The following HHAT variants were observed in gnomAD, a reference collection of about 807,000 sequenced individuals.
The protein encoded by HHAT is protein-cysteine N-palmitoyltransferase HHAT.
HHAT carries 47 observed loss-of-function variants against 70.8 expected under a neutral mutation model. That is an observed-to-expected ratio of 0.66 (90% CI 0.53 to 0.85). The LOEUF is 0.85. HHAT is among the 40% of genes least tolerant of loss of function. HHAT has a pLI of 0.00. For synonymous variants in HHAT, 228 were observed against 247.6 expected (o/e 0.92, Z 0.74); for missense variants, 609 against 604.8 (o/e 1.01, Z -0.07).
At chr1:210,494,486 A>T (rs2094599764) in intron 8 of HHAT, among the ~76,000 whole-genome samples, 1 of 147,214 alleles carries the variant, frequency 6.8e-6, no homozygotes. Flanking sequence ...TGAGATAGGG[A>T]AGGCTACCGG....
At chr1:210,500,514 A>G (rs1572869211) in intron 8 of HHAT, among the ~76,000 whole-genome samples, 2 of 152,122 alleles carry the variant, frequency 1.3e-5, no homozygotes, top group East Asian at 3.9e-4. Context: ...GGTGCAGTTT[A>G]CTCTATAAGC....
intron 7 of HHAT, among the ~76,000 whole-genome samples, chr1:210,421,082 A>G (rs572005950): frequency 3.3e-5 from 5 of 152,314 alleles, no homozygotes; most frequent in African/African-American, 1.2e-4. Flanking sequence ...TATAGATTTA[A>G]TACAATCCCT....
At chr1:210,381,031 G>T (rs1161600974) in intron 3 of HHAT, among the ~76,000 whole-genome samples, 2 of 152,092 alleles carry the variant, frequency 1.3e-5, no homozygotes, top group Non-Finnish European at 2.9e-5. Context: ...TTGGTGCTGT[G>T]TAGGGAGCAT....
intron 4 of HHAT, among the ~76,000 whole-genome samples, chr1:210,388,517 G>A (rs12145699): frequency 0.13 from 19,608 of 152,022 alleles, 1,425 homozygotes; most frequent in Non-Finnish European, 0.17. Context: ...AGGAAATCCC[G>A]ACAGCATATT....
chr1:210,606,481 A>AGGTATCTGT (rs1553296809), intron 10 of HHAT, among the ~76,000 whole-genome samples: 4 of 151,722 alleles, frequency 2.6e-5, no homozygotes, highest in East Asian at 3.9e-4. Context: ...ACATGGTCAG[A>AGGTATCTGT]GGTATCTGCT....
chr1:210,464,122 G>A (rs1427146577), intron 7 of HHAT, among the ~76,000 whole-genome samples: 4 of 151,742 alleles, frequency 2.6e-5, no homozygotes, highest in Non-Finnish European at 4.4e-5. Flanking sequence ...CCTGTTATTC[G>A]GTCAAATACT....
intron 6 of HHAT, among the ~76,000 whole-genome samples, chr1:210,417,816 A>G (rs1387557562): frequency 6.6e-6 from 1 of 152,066 alleles, no homozygotes; most frequent in African/African-American, 2.4e-5. Context: ...GAAACTCCAA[A>G]TTCCCAGTGG....
chr1:210,339,603 G>GC (rs2085821946), intron 1 of HHAT, among the ~76,000 whole-genome samples: 1 of 152,182 alleles, frequency 6.6e-6, no homozygotes, highest in Non-Finnish European at 1.5e-5. Context: ...AGGAGCCCTG[G>GC]CCTGGGGGAG....
At chr1:210,429,095 A>G (rs1167416681) in intron 7 of HHAT, among the ~76,000 whole-genome samples, 2 of 151,882 alleles carry the variant, frequency 1.3e-5, no homozygotes, top group Non-Finnish European at 2.9e-5. Flanking sequence ...ATAAGATGAT[A>G]CTTAAACTTT....
chr1:210,673,585 C>G (rs1558406676), intron 11 of HHAT, among the ~76,000 whole-genome samples: 1 of 88,376 alleles, frequency 1.1e-5, no homozygotes, highest in Admixed American at 1.5e-4. Context: ...AACGTGGATT[C>G]TTCTTTTTTT....
chr1:210,544,056 G>T (rs2095457994), intron 9 of HHAT, among the ~76,000 whole-genome samples: 1 of 152,122 alleles, frequency 6.6e-6, no homozygotes, highest in Non-Finnish European at 1.5e-5. Context: ...TCTGTTTCGG[G>T]GTCTTTGGCC....
rs141998721 is a variant in HHAT, at chr1:210,372,518, A to C, written c.159+9599A>C. Reference sequence around the variant, plus strand: ...TGTCTAACTGAATTCTCCTACAAGTACAAACATTCATTAGGTAGGGAAGTA... The same window carrying C: ...TGTCTAACTGAATTCTCCTACAAGTCCAAACATTCATTAGGTAGGGAAGTA... On this transcript the variant is annotated intron_variant, in intron 3 of 11. Coordinates refer to ENST00000261458, the MANE Select transcript of HHAT (RefSeq NM_018194.6). Among the ~76,000 whole-genome samples the C allele has an allele frequency of 3.3e-4, 50 of 152,340 alleles. 2 individuals carry two copies. In the East Asian group the frequency reaches 8.9e-3, roughly 27 times the overall value.
In HHAT at chr1:210,580,591, T is replaced by C. The variant is rs548526790; in HGVS notation, c.1044-7307T>C. On this transcript the variant is annotated intron_variant, in intron 9 of 11. Transcript: ENST00000261458. ...ACTTATGAGTGAGAACATGCGGTGTTTGGTTTTCTGTTCCTGTGTTAGTTT... is the reference window on the plus strand; with the variant it reads ...ACTTATGAGTGAGAACATGCGGTGTCTGGTTTTCTGTTCCTGTGTTAGTTT... Among the ~76,000 whole-genome samples the C allele has an allele frequency of 2.7e-5, 4 of 150,760 alleles. No homozygotes were observed. The South Asian group carries it at 8.5e-4, about 32-fold the overall frequency.
At chr1:210,581,489 G>C (rs1022827465) in intron 9 of HHAT, among the ~76,000 whole-genome samples, 22 of 152,188 alleles carry the variant, frequency 1.4e-4, no homozygotes, top group African/African-American at 5.3e-4. Context: ...GGCCCAGATG[G>C]AGCCAAGGTG....
At chr1:210,590,880 C>T (rs1353867416) in intron 10 of HHAT, among the ~76,000 whole-genome samples, 8 of 152,092 alleles carry the variant, frequency 5.3e-5, no homozygotes, top group Non-Finnish European at 1.2e-4. Flanking sequence ...ATTAGCAGAT[C>T]TCTAAATAAC....
At chr1:210,427,785 C>A (rs770193895) in intron 7 of HHAT, among the ~76,000 whole-genome samples, 4 of 151,830 alleles carry the variant, frequency 2.6e-5, no homozygotes, top group Non-Finnish European at 5.9e-5. Flanking sequence ...TGTTTTTGGG[C>A]GGAAAGTTCT....
At chr1:210,329,946 C>T (rs568998962) in intron 1 of HHAT, among the ~76,000 whole-genome samples, 104 of 152,260 alleles carry the variant, frequency 6.8e-4, no homozygotes, top group African/African-American at 2.5e-3. Flanking sequence ...AGGGTCTCAC[C>T]GTGTTGGCCA....
At chr1:210,621,068 C>A (rs777667490) in intron 10 of HHAT, among the ~76,000 whole-genome samples, 1 of 152,152 alleles carries the variant, frequency 6.6e-6, no homozygotes, top group Non-Finnish European at 1.5e-5. Flanking sequence ...GCCCTCAGCT[C>A]CTCCTCCTGC....
chr1:210,327,659 C>T (rs1380731299), upstream of HHAT, among the ~76,000 whole-genome samples: 1 of 151,708 alleles, frequency 6.6e-6, no homozygotes, highest in Admixed American at 6.6e-5. Context: ...GTGCAGGCCA[C>T]CACACCCGGC....
Sources: gnomAD v4.1 joint callset for allele counts (sites outside exome capture counted in the v4.1 genomes callset) on GRCh38, gnomAD v4.1.1 for gene constraint, MANE v1.5 for transcripts, NCBI Gene and HGNC (gene_info 2026-07-23, HGNC 2026-07-21) for gene names.